CSMD1: variants seen among roughly 807,000 people sequenced by gnomAD.
The protein encoded by CSMD1 is CUB and Sushi multiple domains 1.
Under a neutral mutation model 417.5 loss-of-function variants are expected in CSMD1, and 213 were observed. The observed-to-expected ratio is 0.51, with a 90% confidence interval of 0.46 to 0.57. CSMD1 has a LOEUF of 0.57. CSMD1 is among the 20% of genes least tolerant of loss of function. The pLI is 0.00. For synonymous variants in CSMD1, 2,862 were observed against 1,736.8 expected (o/e 1.65, Z -16.11); for missense variants, 6,923 against 4,529.7 (o/e 1.53, Z -15.17).
At chr8:4,060,209 T>G (rs1417494042) in intron 3 of CSMD1, among the ~76,000 whole-genome samples, 1 of 144,258 alleles carries the variant, frequency 6.9e-6, no homozygotes, top group Non-Finnish European at 1.5e-5. Flanking sequence ...ATTATTTCAA[T>G]AGATGCAGAA....
Position 4,069,982 on chromosome 8 carries a change from T to C in CSMD1, c.416-37883A>G, listed in dbSNP as rs373240377. The stretch of plus-strand genomic sequence containing the variant: ...TCTCTACTTTTGTTTTTCTGTTCTT[T>C]CCTGCCTTCCTTTAGAATGTTCAAT... On this transcript the variant is annotated intron_variant, in intron 3 of 69. Coordinates refer to ENST00000635120, the MANE Select transcript of CSMD1 (RefSeq NM_033225.6). Among the ~76,000 whole-genome samples, 4 of 152,302 alleles carry C rather than the reference T, an allele frequency of 2.6e-5. No individual in the cohort carries two copies. In the East Asian group the frequency reaches 5.8e-4, roughly 22 times the overall value.
At chr8:3,268,141 A>G (rs1482534857) in intron 26 of CSMD1, among the ~76,000 whole-genome samples, 1 of 152,200 alleles carries the variant, frequency 6.6e-6, no homozygotes, top group East Asian at 1.9e-4. Context: ...GAATGTATGA[A>G]CTGATATCTG....
At chr8:3,669,515 A>C (rs1270315709) in intron 7 of CSMD1, among the ~76,000 whole-genome samples, 1 of 152,170 alleles carries the variant, frequency 6.6e-6, no homozygotes, top group African/African-American at 2.4e-5. Context: ...TACAAGTCCC[A>C]AGTTAATGAA....
chr8:4,195,942 T>G (rs1324577339), intron 3 of CSMD1, among the ~76,000 whole-genome samples: 1 of 151,800 alleles, frequency 6.6e-6, no homozygotes, highest in East Asian at 1.9e-4. Context: ...CCGGGCGCGG[T>G]GGCTCACGCC....
chr8:4,894,161 G>GT (rs574467387), intron 1 of CSMD1, among the ~76,000 whole-genome samples: 20 of 152,082 alleles, frequency 1.3e-4, no homozygotes, highest in African/African-American at 4.3e-4. Flanking sequence ...ACAGTGAACA[G>GT]TTTTTATGTT....
chr8:3,955,869 G>A (rs756488714), intron 5 of CSMD1, among the ~76,000 whole-genome samples: 2 of 152,194 alleles, frequency 1.3e-5, no homozygotes, highest in African/African-American at 4.8e-5. Flanking sequence ...CCCCCAGGCT[G>A]GGTGCAATGG....
chr8:2,973,119 T>G lies in CSMD1; in HGVS notation c.8921A>C (p.Glu2974Ala). Residue 2974 changes from glutamate to alanine, a missense_variant and splice_region_variant, in exon 57 of 70, where the codon GAG becomes GCG. Transcript: ENST00000635120. ...CCTTAAGGCTTCTGGCTACTCACCC[T>G]CACACACCGGCTGCAGTCCTGACCA... Reference protein sequence around the residue: ...GSWSGLQPVCEAVSCGNPGTP... With the variant: ...GSWSGLQPVCAAVSCGNPGTP... 1 of 1,613,436 alleles carries G rather than the reference T, an allele frequency of 6.2e-7. No individual in the cohort carries two copies. Among genetic ancestry groups the G allele is most frequent in the Non-Finnish European group, 8.5e-7 (1 of 1,179,546 alleles).
intron 3 of CSMD1, among the ~76,000 whole-genome samples, chr8:4,153,399 T>C (rs937266349): frequency 6.6e-6 from 1 of 152,210 alleles, no homozygotes; most frequent in Non-Finnish European, 1.5e-5. Flanking sequence ...CAGTTCTAGG[T>C]TCCCTAGCCT....
chr8:4,717,287 C>A (rs1171662264), intron 1 of CSMD1, among the ~76,000 whole-genome samples: 1 of 142,094 alleles, frequency 7.0e-6, no homozygotes, highest in Non-Finnish European at 1.5e-5. Context: ...ATCTCTGACC[C>A]TGCCCTTCTC....
At chr8:4,054,348 T>C (rs1411877738) in intron 3 of CSMD1, among the ~76,000 whole-genome samples, 3 of 152,082 alleles carry the variant, frequency 2.0e-5, no homozygotes, top group Non-Finnish European at 4.4e-5. Context: ...TGTGGTTTGA[T>C]CTATCTCTGT....
At chr8:2,960,951 T>TATATATATATATATATATATAC (rs1554472466) in intron 62 of CSMD1, among the ~76,000 whole-genome samples, 190 bp downstream of exon 62, 5 of 99,504 alleles carry the variant, frequency 5.0e-5, no homozygotes, top group African/African-American at 2.4e-4. Context: ...TATATATATA[T>TATATATATATATATATATATAC]ATATATATAT....
chr8:4,842,632 T>A (rs1800911127), intron 1 of CSMD1, among the ~76,000 whole-genome samples: 1 of 152,172 alleles, frequency 6.6e-6, no homozygotes, highest in Non-Finnish European at 1.5e-5. Context: ...AAAACCACAC[T>A]CAGTAGTGTT....
intron 3 of CSMD1, among the ~76,000 whole-genome samples, chr8:4,044,775 C>T (rs1001390894): frequency 1.7e-4 from 26 of 152,220 alleles, no homozygotes; most frequent in Admixed American, 1.2e-3. Flanking sequence ...GCACCCTAGC[C>T]GTGTAGCACC....
intron 5 of CSMD1, among the ~76,000 whole-genome samples, chr8:3,993,130 G>C (rs571128324): frequency 1.3e-5 from 2 of 152,320 alleles, no homozygotes; most frequent in South Asian, 2.1e-4. Flanking sequence ...GAATTTCTTG[G>C]TGCCAATAAT....
intron 3 of CSMD1, among the ~76,000 whole-genome samples, chr8:4,272,008 C>G (rs1178843710): frequency 6.6e-6 from 1 of 152,154 alleles, no homozygotes; most frequent in African/African-American, 2.4e-5. Flanking sequence ...CGTGAATACT[C>G]TATTTTCCAT....
chr8:4,778,914 A>G (rs1459583021), intron 1 of CSMD1, among the ~76,000 whole-genome samples: 5 of 152,232 alleles, frequency 3.3e-5, no homozygotes. Context: ...TTTACAATAT[A>G]TGGAAGCAAC....
Position 3,318,568 on chromosome 8 carries a change from C to T in CSMD1, c.3632-10065G>A, listed in dbSNP as rs552523234. ...ATTAATTCAACACATACTTATTAAG[C>T]GCTTAATATGCAGTATCTTTCGTGA... On this transcript the variant is annotated intron_variant, in intron 23 of 69. Transcript: ENST00000635120. Among the ~76,000 whole-genome samples the T allele has an allele frequency of 1.3e-4, 20 of 152,250 alleles. No homozygotes were observed. The East Asian group carries it at 1.9e-3, about 15-fold the overall frequency.
In CSMD1 at chr8:3,627,320, G is replaced by A. The variant is rs539867851; in HGVS notation, c.1010-10523C>T. On this transcript the variant is annotated intron_variant, in intron 7 of 69. Coordinates refer to ENST00000635120, the MANE Select transcript of CSMD1 (RefSeq NM_033225.6). Reference sequence around the variant, plus strand: ...ACTTGGGAGAAGTAAAATTTAACACGTGATGCTATAATACGTGCGTTAAGA... The same window carrying A: ...ACTTGGGAGAAGTAAAATTTAACACATGATGCTATAATACGTGCGTTAAGA... Among the ~76,000 whole-genome samples the A allele has an allele frequency of 1.4e-4, 22 of 152,224 alleles. No individual in the cohort carries two copies. The South Asian group carries it at 3.3e-3, about 23-fold the overall frequency.
intron 5 of CSMD1, among the ~76,000 whole-genome samples, chr8:3,962,445 G>C (rs1479606503): frequency 6.6e-6 from 1 of 152,204 alleles, no homozygotes; most frequent in Non-Finnish European, 1.5e-5. Flanking sequence ...TGGGTGATGT[G>C]AGAGGGAGCA....
Sources: gnomAD v4.1 joint callset for allele counts (sites outside exome capture counted in the v4.1 genomes callset) on GRCh38, gnomAD v4.1.1 for gene constraint, MANE v1.5 for transcripts, NCBI Gene and HGNC (gene_info 2026-07-23, HGNC 2026-07-21) for gene names.